The following ANXA3 variants were observed in gnomAD, a reference collection of about 807,000 sequenced individuals.
ANXA3 encodes the protein annexin A3.
Under a neutral mutation model 48.8 loss-of-function variants are expected in ANXA3, and 46 were observed. The observed-to-expected ratio is 0.94, with a 90% CI of 0.74 to 1.21. ANXA3 has a LOEUF of 1.21. Among genes scored for constraint, ANXA3 ranks in the 50% most tolerant of loss-of-function variants. ANXA3 has a pLI of 0.00. For missense variants in ANXA3, 383 were observed against 378.6 expected (o/e 1.01, Z -0.10); for synonymous variants, 128 against 134.7 (o/e 0.95, Z 0.35).
intron 10 of ANXA3, 58 bp from the exon 11 acceptor site, chr4:78,601,452 T>A (rs1723538117): frequency 7.3e-6 from 11 of 1,508,128 alleles, no homozygotes; most frequent in Non-Finnish European, 5.5e-6. Context: ...TATTACTTAC[T>A]ATAGATTAAC....
chr4:78,588,066 A>G (rs1366688579), intron 6 of ANXA3, among the ~76,000 whole-genome samples: 6 of 152,248 alleles, frequency 3.9e-5, no homozygotes, highest in Admixed American at 2.6e-4. Context: ...ACTGCACTCC[A>G]GCCTGGGCAA....
chr4:78,569,699 C>T (rs1722805886), intron 2 of ANXA3, among the ~76,000 whole-genome samples: 1 of 152,234 alleles, frequency 6.6e-6, no homozygotes, highest in African/African-American at 2.4e-5. Context: ...ATTTGCATTT[C>T]TGTCACATTC....
intron 6 of ANXA3, among the ~76,000 whole-genome samples, chr4:78,587,382 A>C (rs1010306138): frequency 3.5e-4 from 54 of 152,214 alleles, no homozygotes; most frequent in African/African-American, 1.3e-3. Flanking sequence ...TATTGTTAGC[A>C]TAACTGAGCT....
intron 6 of ANXA3, among the ~76,000 whole-genome samples, chr4:78,590,689 A>G (rs1723273037): frequency 6.6e-6 from 1 of 152,290 alleles, no homozygotes; most frequent in African/African-American, 2.4e-5. Flanking sequence ...ATGAACACAC[A>G]GTTGGCATTT....
intron 1 of ANXA3, chr4:78,552,170 C>T (rs1350141661): frequency 1.3e-5 from 2 of 152,346 alleles, no homozygotes; most frequent in Non-Finnish European, 2.9e-5. Flanking sequence ...TCCCTGAAAG[C>T]TTCGCTTATT....
At chr4:78,598,212 A>G (rs969483512) in intron 10 of ANXA3, among the ~76,000 whole-genome samples, 8 of 148,520 alleles carry the variant, frequency 5.4e-5, no homozygotes, top group Non-Finnish European at 1.0e-4. Context: ...CACACATGCA[A>G]CTAAGACCTA....
At chr4:78,573,779 C>T (rs1044416935) in intron 3 of ANXA3, among the ~76,000 whole-genome samples, 1 of 152,124 alleles carries the variant, frequency 6.6e-6, no homozygotes, top group Non-Finnish European at 1.5e-5. Flanking sequence ...TAGTGCCACC[C>T]CTTTTTACAC....
intron 12 of ANXA3, among the ~76,000 whole-genome samples, chr4:78,608,985 T>A (rs1167542404): frequency 1.3e-5 from 2 of 152,214 alleles, no homozygotes; most frequent in African/African-American, 4.8e-5. Context: ...TGTTGACTTG[T>A]CAGCTCTGCT....
chr4:78,563,895 C>T (rs546595809), intron 2 of ANXA3, among the ~76,000 whole-genome samples: 13 of 152,254 alleles, frequency 8.5e-5, no homozygotes, highest in African/African-American at 2.9e-4. Context: ...TACACATGCA[C>T]AGGGCTGAGT....
rs757186348 is a variant in ANXA3 at position 78,595,387 on chromosome 4, A to G, written c.490A>G (p.Arg164Gly). Residue 164 changes from arginine to glycine, a missense_variant, in exon 8 of 13, where the codon AGA becomes GGA. Transcript: ENST00000264908. Reference protein sequence around the residue: ...KALLTLADGRRDESLKVDEHL... With the variant: ...KALLTLADGRGDESLKVDEHL... ...TTTTCGTCCTCCTGTTTAGGGCAGA[A>G]GAGATGAAAGTCTGAAAGTGGATGA... is the stretch of plus-strand genomic sequence containing the variant. The G allele has an allele frequency of 1.2e-6, 2 of 1,613,804 alleles. No individual in the cohort carries two copies. Among genetic ancestry groups the G allele is most frequent in the South Asian group, 2.2e-5 (2 of 90,998 alleles).
chr4:78,592,955 A>T (rs1294590549), intron 7 of ANXA3, among the ~76,000 whole-genome samples: 1 of 152,158 alleles, frequency 6.6e-6, no homozygotes, highest in African/African-American at 2.4e-5. Context: ...TCATACAAGG[A>T]CCTAATGTTT....
At chr4:78,580,107 A>G (rs886208215) in intron 4 of ANXA3, among the ~76,000 whole-genome samples, 10 of 152,252 alleles carry the variant, frequency 6.6e-5, no homozygotes, top group African/African-American at 2.4e-4. Flanking sequence ...TTAGAATATA[A>G]TAAACAAGTA....
At position 78,584,077 on chromosome 4, in the gene ANXA3, A is replaced by G. The variant is rs567020500; in HGVS notation, c.312+1787A>G. Among the ~76,000 whole-genome samples the G allele has an allele frequency of 3.3e-5, 5 of 152,300 alleles. No individual in the cohort carries two copies. In the East Asian group the frequency reaches 5.8e-4, roughly 18 times the overall value. On this transcript the variant is annotated intron_variant, in intron 5 of 12. Coordinates refer to ENST00000264908, the MANE Select transcript of ANXA3 (RefSeq NM_005139.3). Reference sequence around the variant, plus strand: ...TATTCTTGTTTTGAGATCTTTATACATGATGTTTCTTCCATCTGGAATGCT... The same window carrying G: ...TATTCTTGTTTTGAGATCTTTATACGTGATGTTTCTTCCATCTGGAATGCT...
intron 11 of ANXA3, chr4:78,602,067 C>T (rs1474883313): frequency 1.3e-5 from 2 of 152,258 alleles, no homozygotes; most frequent in Non-Finnish European, 2.9e-5. Flanking sequence ...CGGTGAAACC[C>T]TGTCTCTACT....
At chr4:78,586,222 T>G (rs758797196) in intron 5 of ANXA3, 38 bp from the exon 6 acceptor site, 1 of 1,525,596 alleles carries the variant, frequency 6.6e-7, no homozygotes, top group South Asian at 1.1e-5. Context: ...TTAAGTTATT[T>G]AAGTGTTCTA....
intron 10 of ANXA3, among the ~76,000 whole-genome samples, chr4:78,597,859 C>T (rs900197039): frequency 6.6e-6 from 1 of 152,064 alleles, no homozygotes; most frequent in African/African-American, 2.4e-5. Flanking sequence ...AGCAATCCAT[C>T]CACCTCAGCC....
At chr4:78,559,642 G>A (rs915941888) in intron 2 of ANXA3, among the ~76,000 whole-genome samples, 4 of 152,304 alleles carry the variant, frequency 2.6e-5, no homozygotes, top group Middle Eastern at 3.4e-3. Context: ...TACCTAGTGC[G>A]ACAGGCTCTG....
At chr4:78,582,586 C>T (rs1403124122) in intron 5 of ANXA3, among the ~76,000 whole-genome samples, 1 of 152,138 alleles carries the variant, frequency 6.6e-6, no homozygotes, top group African/African-American at 2.4e-5. Flanking sequence ...AGCTAAAAAC[C>T]TAGCATTATC....
intron 1 of ANXA3, chr4:78,553,867 C>T (rs1357126713): frequency 6.6e-6 from 1 of 152,184 alleles, no homozygotes; most frequent in East Asian, 1.9e-4. Flanking sequence ...TGTCTGGCTT[C>T]CCAATCAAAG....
Sources: allele counts gnomAD v4.1 joint callset (sites outside exome capture counted in the v4.1 genomes callset), GRCh38; gene constraint gnomAD v4.1.1; transcripts MANE v1.5; gene names NCBI Gene and HGNC (gene_info 2026-07-23, HGNC 2026-07-21).